Variants in GIT2 observed in about 807,000 individuals in gnomAD.
GIT2 encodes GIT ArfGAP 2, also known as ARF GTPase-activating protein GIT2.
GIT2 carries 32 observed loss-of-function variants against 100.3 expected under a neutral mutation model. The ratio of observed to expected loss-of-function variants is 0.32; its 90% CI spans 0.24 to 0.43. The LOEUF (loss-of-function observed/expected upper bound fraction) is 0.43, where lower values mean the gene tolerates loss of function less well. Among genes scored for constraint, GIT2 ranks in the 20% least tolerant of loss-of-function variants. GIT2 has a pLI of 1.00. For missense variants in GIT2, 737 were observed against 975.1 expected (o/e 0.76, Z 3.25); for synonymous variants, 353 against 364.1 (o/e 0.97, Z 0.35).
intron 7 of GIT2, among the ~76,000 whole-genome samples, chr12:109,977,279 G>A (rs1365800058): frequency 6.6e-6 from 1 of 152,182 alleles, no homozygotes; most frequent in African/African-American, 2.4e-5. Context: ...GGGAGGCCCA[G>A]GTGGGTGGAT....
intron 6 of GIT2, chr12:109,981,819 CA>C (rs1433450260): frequency 6.6e-6 from 1 of 152,108 alleles, no homozygotes; most frequent in African/African-American, 2.4e-5. Context: ...CGTCCAAGAT[CA>C]AGTATATTTT....
intron 1 of GIT2, among the ~76,000 whole-genome samples, chr12:109,994,075 C>CAAAA (rs34393850): frequency 2.0e-4 from 12 of 59,648 alleles, no homozygotes; most frequent in Middle Eastern, 9.6e-3. Context: ...ACACTAATGG[C>CAAAA]AAAAAAAAAA....
chr12:109,955,709 GC>G (rs1424236054), intron 12 of GIT2, among the ~76,000 whole-genome samples: 1 of 151,640 alleles, frequency 6.6e-6, no homozygotes, highest in Admixed American at 6.6e-5. Flanking sequence ...ATGCTTGGGG[GC>G]CACTTTTTTT....
At chr12:109,952,644 G>A (rs1204513733) in intron 13 of GIT2, 13 of 519,314 alleles carry the variant, frequency 2.5e-5, no homozygotes, top group Non-Finnish European at 4.6e-5. Flanking sequence ...CCCTTGAGGC[G>A]CATCTTAAGA....
chr12:109,998,869 C>T (rs2093118537), upstream of GIT2: 1 of 152,172 alleles, frequency 6.6e-6, no homozygotes, highest in African/African-American at 2.4e-5. Flanking sequence ...GCTCAGCATC[C>T]TACAAGGACC....
At position 109,948,131 on chromosome 12, in the gene GIT2, AAAAG is replaced by A. The variant is rs1876837880; in HGVS notation, c.1393-631_1393-628del. On this transcript the variant is annotated intron_variant, in intron 14 of 19. Transcript: ENST00000355312. The surrounding 1 kb of genome is among the most constrained non-coding windows in gnomAD (Gnocchi z 4.3). ...AACAATTCAGCACTTTGTAAAAAAAAAAAGAAAAAAGAGAAAACCGGATCATGGT... is the reference window on the plus strand; with the variant it reads ...AACAATTCAGCACTTTGTAAAAAAAAAAAAAAGAGAAAACCGGATCATGGT... 2.1e-6 allele frequency: 2 copies of A among 962,686 alleles called. No homozygotes were observed. Among genetic ancestry groups the A allele is most frequent in the South Asian group, 4.8e-5 (1 of 20,810 alleles). 59.6% of individuals were successfully genotyped at this position (962,686 alleles called of 1,614,324 possible).
rs1477594047 is a variant in GIT2, at chr12:109,931,515, G to A, written c.*1463C>T. 6.6e-6 allele frequency: 1 copy of A among 152,256 alleles called. No homozygotes were observed. The highest frequency in any genetic ancestry group is 6.5e-5 in the Admixed American group (1 of 15,290). 9.4% of individuals were successfully genotyped at this position (152,256 alleles called of 1,614,324 possible). A position where few individuals can be genotyped will look rare whatever the true frequency, so the allele number is the denominator to read the frequency against. Reference sequence around the variant, plus strand: ...GCACCAAAAAACATCTAGGTTTCTTGTCTCTTGAAAAATCAAAGCTGTGGC... The same window carrying A: ...GCACCAAAAAACATCTAGGTTTCTTATCTCTTGAAAAATCAAAGCTGTGGC... On this transcript the variant is annotated 3_prime_UTR_variant, in exon 20 of 20. Transcript: ENST00000355312.
chr12:109,973,448 T>C (rs1884394115), intron 7 of GIT2, among the ~76,000 whole-genome samples: 1 of 152,004 alleles, frequency 6.6e-6, no homozygotes. Context: ...GTCTGCTTTG[T>C]ATTTTTTTTT....
Position 109,961,377 on chromosome 12 carries a change from T to C in GIT2, c.890-2A>G, listed in dbSNP as rs751948062. ...TGTGGTTTTGCGTGGCAAGCCAGAC[T>C]AGTCAGAGGAAAGAGCCAGAGACAA... On this transcript the variant is annotated splice_acceptor_variant, in intron 10 of 19. Transcript: ENST00000355312. LOFTEE classifies it high-confidence loss of function. 2 of 1,591,950 alleles carry C rather than the reference T, an allele frequency of 1.3e-6. No homozygotes were observed. Among genetic ancestry groups the C allele is most frequent in the African/African-American group, 1.3e-5 (1 of 74,608 alleles).
chr12:109,957,933 G>GT (rs1481175311), intron 12 of GIT2, among the ~76,000 whole-genome samples: 2 of 151,508 alleles, frequency 1.3e-5, no homozygotes, highest in African/African-American at 4.8e-5. Context: ...TTAAGACTTT[G>GT]TTTTTTAAGT....
At position 109,938,730 on chromosome 12, in the gene GIT2, G is replaced by T. The variant is rs116036088; in HGVS notation, c.1815-162C>A. Reference sequence around the variant, plus strand: ...AGACTCATGGTAAGGCTCTAAAATCGGCTATTTCACTCTACCATAGGGCTG... The same window carrying T: ...AGACTCATGGTAAGGCTCTAAAATCTGCTATTTCACTCTACCATAGGGCTG... On this transcript the variant is annotated intron_variant, in intron 17 of 19. Transcript: ENST00000355312. 5.4e-6 allele frequency: 3 copies of T among 557,006 alleles called. No individual in the cohort carries two copies. The East Asian group carries it at 8.9e-5, about 17-fold the overall frequency. 34.5% of individuals were successfully genotyped at this position (557,006 alleles called of 1,614,324 possible). A position where few individuals can be genotyped will look rare whatever the true frequency, so the allele number is the denominator to read the frequency against.
At chr12:109,994,075 CAA>C (rs34393850) in intron 1 of GIT2, among the ~76,000 whole-genome samples, 13 of 59,694 alleles carry the variant, frequency 2.2e-4, no homozygotes, top group Non-Finnish European at 3.3e-4. Flanking sequence ...ACACTAATGG[CAA>C]AAAAAAAAAA....
rs1318333992 is a variant in GIT2, at chr12:109,931,446, G to A, written c.*1532C>T. 6.6e-6 allele frequency: 1 copy of A among 152,232 alleles called. No individual in the cohort carries two copies. Among genetic ancestry groups the A allele is most frequent in the Non-Finnish European group, 1.5e-5 (1 of 68,046 alleles). 9.4% of individuals were successfully genotyped at this position (152,232 alleles called of 1,614,324 possible). On this transcript the variant is annotated 3_prime_UTR_variant, in exon 20 of 20. Coordinates refer to ENST00000355312, the MANE Select transcript of GIT2 (RefSeq NM_057169.5). ...CACAGCTCACCTGCACATGGTCTCTGAAAGTGTTCAAATTGGTTGCCAACA... is the reference window on the plus strand; with the variant it reads ...CACAGCTCACCTGCACATGGTCTCTAAAAGTGTTCAAATTGGTTGCCAACA...
intron 7 of GIT2, among the ~76,000 whole-genome samples, chr12:109,970,325 C>T (rs1030585671): frequency 6.6e-6 from 1 of 152,046 alleles, no homozygotes; most frequent in Non-Finnish European, 1.5e-5. Context: ...AACCCCATCT[C>T]TACTAAAAAT....
At chr12:109,977,080 A>AT (rs1238090138) in intron 7 of GIT2, among the ~76,000 whole-genome samples, 1 of 152,162 alleles carries the variant, frequency 6.6e-6, no homozygotes, top group Non-Finnish European at 1.5e-5. Flanking sequence ...AAAGTAAAGA[A>AT]TAATTCTTTT....
At chr12:109,976,113 C>T (rs1413207537) in intron 7 of GIT2, among the ~76,000 whole-genome samples, 4 of 150,292 alleles carry the variant, frequency 2.7e-5, no homozygotes, top group African/African-American at 9.9e-5. Context: ...TATACACACA[C>T]ACACACACAA....
At chr12:109,963,761 G>C (rs1335720292) in intron 9 of GIT2, among the ~76,000 whole-genome samples, 1 of 152,200 alleles carries the variant, frequency 6.6e-6, no homozygotes, top group Non-Finnish European at 1.5e-5. Context: ...CACTGACCTG[G>C]CGCTGATAAG....
rs937988590 is a variant in GIT2 at position 109,996,302 on chromosome 12, A to C, written c.-78T>G. On this transcript the variant is annotated 5_prime_UTR_variant, in exon 1 of 20. Coordinates refer to ENST00000355312, the MANE Select transcript of GIT2 (RefSeq NM_057169.5). ...GCGGTGGCGGCGGCGCTTCCGCTCT[A>C]ACGGGTCCCAGCTGCGGCGGCGCTG... The C allele has an allele frequency of 6.8e-6, 7 of 1,023,476 alleles. No individual in the cohort carries two copies. The highest frequency in any genetic ancestry group is 1.0e-5 in the Non-Finnish European group (7 of 696,762). The allele number at this position is 1,023,476 out of a possible 1,614,324, so 63.4% of individuals were successfully genotyped here.
chr12:109,966,395 G>C (rs2136469847), intron 8 of GIT2, among the ~76,000 whole-genome samples: 1 of 150,730 alleles, frequency 6.6e-6, no homozygotes, highest in Middle Eastern at 3.4e-3. Context: ...CATAGTCCCA[G>C]CAACTCGGGA....
Sources: gnomAD v4.1 joint callset for allele counts (sites outside exome capture counted in the v4.1 genomes callset) on GRCh38, gnomAD v4.1.1 for gene constraint, Gnocchi (gnomAD v3.1) non-coding constraint, MANE v1.5 for transcripts, NCBI Gene and HGNC (gene_info 2026-07-23, HGNC 2026-07-21) for gene names.